The following PLCG2 variants were observed in gnomAD, a reference collection of about 807,000 sequenced individuals.
The protein encoded by PLCG2 is phospholipase C gamma 2.
PLCG2 carries 69 observed loss-of-function variants against 175.6 expected under a neutral mutation model. That is an observed-to-expected ratio of 0.39 (90% CI 0.32 to 0.48). The LOEUF (loss-of-function observed/expected upper bound fraction) is 0.48. Ranked by LOEUF, PLCG2 falls within the 20% of genes least tolerant of loss-of-function variation. The pLI is 0.91. For missense variants in PLCG2, 1,798 were observed against 1,650.9 expected (o/e 1.09, Z -1.54); for synonymous variants, 827 against 624.0 (o/e 1.33, Z -4.85).
Position 81,851,671 on chromosome 16 carries a change from C to A in PLCG2, c.194-2773C>A, listed in dbSNP as rs145226626. Among the ~76,000 whole-genome samples the A allele has an allele frequency of 4.7e-4, 71 of 152,334 alleles. No individual in the cohort carries two copies. The East Asian group carries it at 0.013, about 28-fold the overall frequency. On this transcript the variant is annotated intron_variant, in intron 2 of 32. Coordinates refer to ENST00000564138, the MANE Select transcript of PLCG2 (RefSeq NM_002661.5). ...GGTACAACTGGCCTGTGCCACCAAG[C>A]CCAGCTACTTTTTGTATTCTTACTA...
chr16:81,751,865 T>G (rs1301548020), intron 1 of PLCG2, among the ~76,000 whole-genome samples: 1 of 151,864 alleles, frequency 6.6e-6, no homozygotes, highest in Non-Finnish European at 1.5e-5. Flanking sequence ...CTACTAAAAA[T>G]ATAAACATTA....
intron 2 of PLCG2, among the ~76,000 whole-genome samples, chr16:81,772,691 G>A (rs896682376): frequency 1.9e-4 from 29 of 150,286 alleles, no homozygotes; most frequent in African/African-American, 6.8e-4. Flanking sequence ...GGTGGTGCAT[G>A]CCTGTAATCC....
intron 21 of PLCG2, among the ~76,000 whole-genome samples, chr16:81,923,192 C>A (rs1910125869): frequency 6.6e-6 from 1 of 151,876 alleles, no homozygotes; most frequent in Non-Finnish European, 1.5e-5. Context: ...CTAAGCCTAA[C>A]CCTAACCCCA....
At position 81,876,252 on chromosome 16, in the gene PLCG2, G is replaced by A. The variant is rs541396247; in HGVS notation, c.649-4658G>A. ...TACCCAGGCTAGGCTTGAACTCCTG[G>A]GCTCAAGTGATCCACCCGCCTTGGC... On this transcript the variant is annotated intron_variant, in intron 7 of 32. Coordinates refer to ENST00000564138, the MANE Select transcript of PLCG2 (RefSeq NM_002661.5). Among the ~76,000 whole-genome samples, 11 of 151,942 alleles carry A rather than the reference G, an allele frequency of 7.2e-5. No individual in the cohort carries two copies. The South Asian group carries it at 1.7e-3, about 23-fold the overall frequency.
chr16:81,889,682 T>C (rs186446820), intron 10 of PLCG2, among the ~76,000 whole-genome samples: 317 of 152,134 alleles, frequency 2.1e-3, no homozygotes, highest in Non-Finnish European at 3.5e-3. Context: ...TGAGATGGAG[T>C]CTCAGTCTGT....
In PLCG2 at chr16:81,903,677, C is replaced by T. The variant is rs74029299; in HGVS notation, c.1363-1726C>T. Among the ~76,000 whole-genome samples the T allele has an allele frequency of 4.7e-3, 718 of 152,254 alleles. 8 individuals are homozygous for T. The highest frequency in any genetic ancestry group is 0.016 in the African/African-American group (661 of 41,550). On this transcript the variant is annotated intron_variant, in intron 14 of 32. Transcript: ENST00000564138. ...TGGAGGGAGCTCGGCCATGGAGGGT[C>T]CATGGCTTCTCAGGCACCTAGTTGG... is the stretch of plus-strand genomic sequence containing the variant.
At chr16:81,743,440 C>T (rs1597300222) in intron 1 of PLCG2, among the ~76,000 whole-genome samples, 1 of 152,198 alleles carries the variant, frequency 6.6e-6, no homozygotes, top group Admixed American at 6.5e-5. Context: ...GTCACCCAGG[C>T]AAAGAGCCCA....
intron 25 of PLCG2, 61 bp downstream of exon 25, chr16:81,931,715 T>A: frequency 6.6e-7 from 1 of 1,505,946 alleles, no homozygotes; most frequent in Non-Finnish European, 9.2e-7. Flanking sequence ...TGGTGCTCAG[T>A]TGGGACTGTG....
intron 2 of PLCG2, among the ~76,000 whole-genome samples, chr16:81,805,220 C>G (rs1351778726): frequency 6.6e-6 from 1 of 152,104 alleles, no homozygotes; most frequent in Non-Finnish European, 1.5e-5. Context: ...CAATAAAAGG[C>G]CAGGCTCGGT....
intron 3 of PLCG2, 45 bp downstream of exon 3, chr16:81,854,632 G>T (rs4072828): frequency 6.3e-7 from 1 of 1,580,618 alleles, no homozygotes; most frequent in Admixed American, 1.7e-5. Flanking sequence ...GTGCCTTAGT[G>T]TCTTCCTGAA....
chr16:81,830,656 G>A (rs1203872092), intron 2 of PLCG2, among the ~76,000 whole-genome samples: 1 of 151,250 alleles, frequency 6.6e-6, no homozygotes, highest in Non-Finnish European at 1.5e-5. Context: ...GGGTGTGTGT[G>A]TGTGTGTGTG....
At chr16:81,918,103 C>G (rs1597131344) in intron 19 of PLCG2, among the ~76,000 whole-genome samples, 1 of 152,176 alleles carries the variant, frequency 6.6e-6, no homozygotes, top group East Asian at 1.9e-4. Context: ...ATATTGACCC[C>G]TTACCAGATG....
chr16:81,742,762 C>G (rs148263735), intron 1 of PLCG2, among the ~76,000 whole-genome samples: 1 of 152,158 alleles, frequency 6.6e-6, no homozygotes, highest in African/African-American at 2.4e-5. Flanking sequence ...CGGGAGTGAA[C>G]AGGGGCCGGG....
At chr16:81,877,569 G>A (rs529313349) in intron 7 of PLCG2, among the ~76,000 whole-genome samples, 27 of 152,374 alleles carry the variant, frequency 1.8e-4, no homozygotes, top group Non-Finnish European at 1.3e-4. Context: ...AGGGAAGGAT[G>A]TGTTCCAGAC....
At chr16:81,824,472 C>G (rs1904957539) in intron 2 of PLCG2, among the ~76,000 whole-genome samples, 1 of 152,162 alleles carries the variant, frequency 6.6e-6, no homozygotes, top group Admixed American at 6.5e-5. Flanking sequence ...AGCAAACAGC[C>G]TCTGGGGTTG....
At chr16:81,827,126 T>C (rs9925328) in intron 2 of PLCG2, among the ~76,000 whole-genome samples, 5,901 of 151,986 alleles carry the variant, frequency 0.039, 166 homozygotes, top group African/African-American at 0.071. Context: ...ACTCAGGGGA[T>C]GCCCCTCAAC....
At chr16:81,883,468 C>T (rs1436417216) in intron 9 of PLCG2, 127 bp downstream of exon 9, 4 of 694,188 alleles carry the variant, frequency 5.8e-6, no homozygotes, top group African/African-American at 5.3e-5. Flanking sequence ...GCTCACCTGG[C>T]CACCTGTCTT....
chr16:81,849,366 G>A (rs1046378951), intron 2 of PLCG2, among the ~76,000 whole-genome samples: 1 of 152,088 alleles, frequency 6.6e-6, no homozygotes, highest in African/African-American at 2.4e-5. Flanking sequence ...TTAAAATCTG[G>A]CTATTGCTGG....
At chr16:81,828,187 C>G (rs1213591899) in intron 2 of PLCG2, among the ~76,000 whole-genome samples, 1 of 149,970 alleles carries the variant, frequency 6.7e-6, no homozygotes, top group African/African-American at 2.4e-5. Context: ...TGATGCAGTT[C>G]CCAGGCCAAC....
Sources: allele counts gnomAD v4.1 joint callset (sites outside exome capture counted in the v4.1 genomes callset), GRCh38; gene constraint gnomAD v4.1.1; transcripts MANE v1.5; gene names NCBI Gene and HGNC (gene_info 2026-07-23, HGNC 2026-07-21).